BRINP3: variants seen among roughly 807,000 people sequenced by gnomAD.
BRINP3 encodes BMP/retinoic acid inducible neural specific 3.
In BRINP3, 19 loss-of-function variants were observed where a neutral mutation model predicts 71.0. The observed-to-expected ratio is 0.27, with a 90% CI of 0.19 to 0.39. The LOEUF (loss-of-function observed/expected upper bound fraction) is 0.39. Among genes scored for constraint, BRINP3 ranks in the 10% least tolerant of loss-of-function variants. The pLI is 1.00. For missense variants in BRINP3, 959 were observed against 940.8 expected, an observed-to-expected ratio of 1.02 and a Z score of -0.25; for synonymous variants, 380 against 337.7, an observed-to-expected ratio of 1.13 and a Z score of -1.37.
At chr1:190,303,443 G>C (rs1247657357) in intron 2 of BRINP3, among the ~76,000 whole-genome samples, 1 of 151,646 alleles carries the variant, frequency 6.6e-6, no homozygotes, top group Non-Finnish European at 1.5e-5. Context: ...TGAAAAAGGA[G>C]AGAGTAAAAG....
chr1:190,472,947 A>G (rs1015563038), intron 1 of BRINP3, among the ~76,000 whole-genome samples: 4 of 151,838 alleles, frequency 2.6e-5, no homozygotes, highest in African/African-American at 9.7e-5. Flanking sequence ...GAAAATGTAC[A>G]TTTCTATGAT....
intron 6 of BRINP3, among the ~76,000 whole-genome samples, chr1:190,165,795 G>A (rs1651479249): frequency 6.6e-6 from 1 of 151,940 alleles, no homozygotes; most frequent in Non-Finnish European, 1.5e-5. Flanking sequence ...TGAAAGAAGT[G>A]GGAATGTGAG....
At chr1:190,390,453 T>C (rs1381377745) in intron 2 of BRINP3, among the ~76,000 whole-genome samples, 1 of 151,422 alleles carries the variant, frequency 6.6e-6, no homozygotes, top group Admixed American at 6.6e-5. Flanking sequence ...CAATGAGAGG[T>C]CGGGGTATTA....
At chr1:190,276,057 A>G (rs1455574698) in intron 3 of BRINP3, among the ~76,000 whole-genome samples, 1 of 151,584 alleles carries the variant, frequency 6.6e-6, no homozygotes, top group Non-Finnish European at 1.5e-5. Flanking sequence ...AAATATCAGT[A>G]CAGCAGTCCT....
chr1:190,189,825 G>T (rs556166759), intron 6 of BRINP3, among the ~76,000 whole-genome samples: 1 of 151,914 alleles, frequency 6.6e-6, no homozygotes, highest in Non-Finnish European at 1.5e-5. Context: ...TGATCCTTGC[G>T]GTTGTTTGTC....
chr1:190,171,987 A>G (rs1477188548), intron 6 of BRINP3, among the ~76,000 whole-genome samples: 1 of 151,124 alleles, frequency 6.6e-6, no homozygotes, highest in African/African-American at 2.4e-5. Flanking sequence ...TGTAGTCCCA[A>G]CTACTCAGGA....
In BRINP3 at chr1:190,098,433, A is replaced by C. The variant is rs961514751; in HGVS notation, c.1886T>G (p.Leu629Arg). The change falls in exon 8 of 8, where the codon CTG becomes CGG. Residue 629 changes from leucine (L) to arginine (R), a missense_variant. By Grantham distance (102) the Leu-to-Arg change is moderately radical. Coordinates refer to ENST00000367462, the MANE Select transcript of BRINP3 (RefSeq NM_199051.3). ...ACCATTGGACTTGATGCGACTTCTC[A>C]GGTAGATGTGTACTGTCTCAAAAAA... Reference protein sequence around the residue: ...KTFFETVHIYLRSRIKSNGPN... With the variant: ...KTFFETVHIYRRSRIKSNGPN... 1.2e-6 allele frequency: 2 copies of C among 1,614,042 alleles called. No individual in the cohort carries two copies. Among genetic ancestry groups the C allele is most frequent in the South Asian group, 1.1e-5 (1 of 91,090 alleles).
chr1:190,420,828 T>C (rs1396706291), intron 2 of BRINP3, among the ~76,000 whole-genome samples: 4 of 151,878 alleles, frequency 2.6e-5, no homozygotes, highest in African/African-American at 7.2e-5. Flanking sequence ...TAGACTGCCA[T>C]GCATAAAGGA....
At chr1:190,294,161 C>T (rs79570999) in intron 2 of BRINP3, among the ~76,000 whole-genome samples, 1 of 151,778 alleles carries the variant, frequency 6.6e-6, no homozygotes, top group South Asian at 2.1e-4. Context: ...TTTTTAATTC[C>T]TTAAGTTTTA....
chr1:190,406,463 T>C (rs2102385744), intron 2 of BRINP3, among the ~76,000 whole-genome samples: 1 of 152,336 alleles, frequency 6.6e-6, no homozygotes. Context: ...ATGAATCTCC[T>C]GACAGATCAG....
At chr1:190,209,426 G>C (rs894393907) in intron 6 of BRINP3, among the ~76,000 whole-genome samples, 3 of 152,068 alleles carry the variant, frequency 2.0e-5, no homozygotes, top group Non-Finnish European at 2.9e-5. Flanking sequence ...TGCCTGCCAG[G>C]TTCATAAAGC....
intron 2 of BRINP3, among the ~76,000 whole-genome samples, chr1:190,450,807 A>T (rs1378759794): frequency 6.6e-6 from 1 of 152,112 alleles, no homozygotes; most frequent in East Asian, 1.9e-4. Context: ...CTTTTCTCAT[A>T]TGGATACCCA....
In BRINP3 at chr1:190,302,282, A is replaced by ATC. The variant is rs572775609; in HGVS notation, c.237-20533_237-20532insGA. On this transcript the variant is annotated intron_variant, in intron 2 of 7. Coordinates refer to ENST00000367462, the MANE Select transcript of BRINP3 (RefSeq NM_199051.3). ...ATATTTTATATATATATAAATGTAT[A>ATC]TATATATATTTTAAGTGATGGAATG... Among the ~76,000 whole-genome samples, 26 of 147,928 alleles carry ATC rather than the reference A, an allele frequency of 1.8e-4. No individual in the cohort carries two copies. The South Asian group carries it at 5.5e-3, about 31-fold the overall frequency.
At chr1:190,174,873 T>C (rs546334982) in intron 6 of BRINP3, among the ~76,000 whole-genome samples, 1 of 152,274 alleles carries the variant, frequency 6.6e-6, no homozygotes, top group Admixed American at 6.5e-5. Flanking sequence ...TTGACAGTTA[T>C]CATGTGATTT....
intron 2 of BRINP3, among the ~76,000 whole-genome samples, chr1:190,452,507 A>G (rs962325624): frequency 2.0e-4 from 31 of 152,196 alleles, no homozygotes; most frequent in African/African-American, 7.0e-4. Context: ...TTTGTTCATT[A>G]CCTTTAACAT....
At chr1:190,473,556 T>G (rs79828700) in intron 1 of BRINP3, among the ~76,000 whole-genome samples, 1 of 148,970 alleles carries the variant, frequency 6.7e-6, no homozygotes, top group African/African-American at 2.4e-5. Flanking sequence ...TTTTTTTTTT[T>G]GCTTCACTGT....
intron 6 of BRINP3, among the ~76,000 whole-genome samples, chr1:190,214,745 C>T (rs1488324984): frequency 6.6e-6 from 1 of 151,938 alleles, no homozygotes. Context: ...AGCAAACTTA[C>T]AAGGAACAAA....
intron 3 of BRINP3, among the ~76,000 whole-genome samples, chr1:190,278,658 A>G (rs1477984908): frequency 6.6e-6 from 1 of 151,686 alleles, no homozygotes; most frequent in African/African-American, 2.4e-5. Context: ...CCAGCACAAA[A>G]AACTATGAAA....
intron 7 of BRINP3, among the ~76,000 whole-genome samples, chr1:190,136,958 A>T (rs1358017476): frequency 6.6e-6 from 1 of 152,080 alleles, no homozygotes; most frequent in Non-Finnish European, 1.5e-5. Context: ...CTTATTTAAA[A>T]GCTGGGGTAT....
Sources: gnomAD v4.1 joint callset for allele counts (sites outside exome capture counted in the v4.1 genomes callset) on GRCh38, gnomAD v4.1.1 for gene constraint, MANE v1.5 for transcripts, NCBI Gene and HGNC (gene_info 2026-07-23, HGNC 2026-07-21) for gene names.